The following GPHN variants were observed in gnomAD, a reference collection of about 807,000 sequenced individuals.
The protein encoded by GPHN is gephyrin.
GPHN carries 17 observed loss-of-function variants against 95.5 expected under a neutral mutation model. The observed-to-expected ratio is 0.18, with a 90% confidence interval of 0.12 to 0.27. GPHN has a LOEUF of 0.27. Among genes scored for constraint, GPHN ranks in the 10% least tolerant of loss-of-function variants. GPHN has a pLI of 1.00. For synonymous variants in GPHN, 320 were observed against 322.5 expected (o/e 0.99, Z 0.08); for missense variants, 660 against 978.1 (o/e 0.67, Z 4.34).
At chr14:66,830,111 C>T (rs536871647) in intron 4 of GPHN, among the ~76,000 whole-genome samples, 138 of 152,226 alleles carry the variant, frequency 9.1e-4, no homozygotes, top group Non-Finnish European at 1.4e-3. Flanking sequence ...GCCTATAAAG[C>T]CTGACGTATT....
At position 66,522,748 on chromosome 14, in the gene GPHN, C is replaced by G. The variant is rs146590157; in HGVS notation, c.64+14157C>G. Among the ~76,000 whole-genome samples the G allele has an allele frequency of 1.0e-3, 151 of 151,752 alleles. 2 individuals carry two copies. The East Asian group carries it at 0.027, about 28-fold the overall frequency. ...ATTAATTATTTTACCCTGGATTTAC[C>G]TTTAAAATATATAATTTTTTTTTCT... On this transcript the variant is annotated intron_variant, in intron 1 of 22. Coordinates refer to ENST00000478722, the MANE Select transcript of GPHN (RefSeq NM_020806.5).
chr14:66,939,062 T>C (rs914241460), intron 8 of GPHN, among the ~76,000 whole-genome samples: 1 of 152,194 alleles, frequency 6.6e-6, no homozygotes, highest in Non-Finnish European at 1.5e-5. Context: ...ATCAGAGACC[T>C]AAAGCTAAGA....
the GPHN span, among the ~76,000 whole-genome samples, chr14:67,607,040 G>A: frequency 2.0e-5 from 3 of 152,004 alleles, no homozygotes; most frequent in African/African-American, 4.8e-5. Flanking sequence ...CAGATTCTTG[G>A]GTCTCACACC....
the GPHN span, among the ~76,000 whole-genome samples, chr14:67,452,973 A>AT: frequency 6.6e-6 from 1 of 151,986 alleles, no homozygotes; most frequent in Non-Finnish European, 1.5e-5. Context: ...ACACAAGGAA[A>AT]TTTTTTCTGC....
At chr14:67,540,711 T>G in the GPHN span, among the ~76,000 whole-genome samples, 10 of 152,268 alleles carry the variant, frequency 6.6e-5, 1 homozygote, top group African/African-American at 2.4e-4. Context: ...GTGTCATGGT[T>G]TGGGACAGAC....
At chr14:66,786,833 T>C (rs1566944283) in intron 3 of GPHN, among the ~76,000 whole-genome samples, 1 of 152,110 alleles carries the variant, frequency 6.6e-6, no homozygotes, top group Non-Finnish European at 1.5e-5. Context: ...AACCCATTCA[T>C]AATAAGAACT....
At chr14:66,544,290 TCTC>T (rs1211818301) in intron 1 of GPHN, among the ~76,000 whole-genome samples, 2 of 152,220 alleles carry the variant, frequency 1.3e-5, no homozygotes, top group Non-Finnish European at 2.9e-5. Flanking sequence ...TACAGCCTCT[TCTC>T]CTTTTCACAT....
the GPHN span, among the ~76,000 whole-genome samples, chr14:67,190,140 C>A: frequency 2.7e-5 from 4 of 147,398 alleles, no homozygotes; most frequent in African/African-American, 1.0e-4. Flanking sequence ...GTCTTTAACT[C>A]CTGACCTCAG....
chr14:66,657,479 C>T (rs1319515340), intron 1 of GPHN, among the ~76,000 whole-genome samples: 2 of 152,172 alleles, frequency 1.3e-5, no homozygotes, highest in Non-Finnish European at 2.9e-5. Context: ...TAAGAAGATG[C>T]CATCTAAGAC....
At chr14:66,790,856 G>A (rs1595910186) in intron 3 of GPHN, among the ~76,000 whole-genome samples, 1 of 152,218 alleles carries the variant, frequency 6.6e-6, no homozygotes, top group East Asian at 1.9e-4. Context: ...TCCCCCTTTG[G>A]GGAGAAAAAA....
At chr14:66,669,986 T>C (rs974934580) in intron 1 of GPHN, among the ~76,000 whole-genome samples, 1 of 152,214 alleles carries the variant, frequency 6.6e-6, no homozygotes, top group Non-Finnish European at 1.5e-5. Flanking sequence ...ATCTTCCTGG[T>C]TCTTTGTATG....
At chr14:66,963,023 T>TA (rs2069064205) in intron 8 of GPHN, among the ~76,000 whole-genome samples, 1 of 151,990 alleles carries the variant, frequency 6.6e-6, no homozygotes, top group Non-Finnish European at 1.5e-5. Flanking sequence ...TTTGTTTTCT[T>TA]TTGTTAACTT....
chr14:67,285,668 C>T, the GPHN span, among the ~76,000 whole-genome samples: 1 of 151,982 alleles, frequency 6.6e-6, no homozygotes, highest in Admixed American at 6.6e-5. Flanking sequence ...GCGCCTGACC[C>T]CCTTAGGTAA....
At chr14:66,946,862 A>G (rs965811834) in intron 8 of GPHN, among the ~76,000 whole-genome samples, 1 of 152,186 alleles carries the variant, frequency 6.6e-6, no homozygotes, top group Admixed American at 6.5e-5. Context: ...ATAAATTCCC[A>G]GGGAACAACT....
chr14:66,695,275 A>G (rs192014498), intron 2 of GPHN, among the ~76,000 whole-genome samples: 1 of 152,378 alleles, frequency 6.6e-6, no homozygotes, highest in East Asian at 1.9e-4. Flanking sequence ...AAGTATATAA[A>G]AAGATGTTCT....
chr14:67,599,422 A>AT, the GPHN span, among the ~76,000 whole-genome samples: 1 of 152,346 alleles, frequency 6.6e-6, no homozygotes, highest in Non-Finnish European at 1.5e-5. Context: ...GAGCACAGCT[A>AT]TCACACACGT....
the GPHN span, among the ~76,000 whole-genome samples, chr14:67,480,526 C>G: frequency 1.3e-5 from 2 of 152,116 alleles, no homozygotes; most frequent in African/African-American, 4.8e-5. Flanking sequence ...AACCTCCTAC[C>G]CCCGGGCAGG....
chr14:66,596,653 T>G (rs1391955279), intron 1 of GPHN, among the ~76,000 whole-genome samples: 5 of 152,114 alleles, frequency 3.3e-5, no homozygotes, highest in African/African-American at 1.2e-4. Flanking sequence ...CGGGTGTTTG[T>G]AGTGGGTGCT....
chr14:67,567,153 C>A, the GPHN span, among the ~76,000 whole-genome samples: 3 of 150,886 alleles, frequency 2.0e-5, no homozygotes, highest in African/African-American at 7.3e-5. Flanking sequence ...TTCCGTGTTC[C>A]GGGGAGAGCT....
Sources: allele counts gnomAD v4.1 joint callset (sites outside exome capture counted in the v4.1 genomes callset), GRCh38; gene constraint gnomAD v4.1.1; transcripts MANE v1.5; gene names NCBI Gene and HGNC (gene_info 2026-07-23, HGNC 2026-07-21).